Variants in GK observed in about 807,000 individuals in gnomAD.
GK encodes glycerol kinase, also known as ATP:glycerol 3-phosphotransferase.
Under a neutral mutation model 56.4 loss-of-function variants are expected in GK, and 9 were observed. The ratio of observed to expected loss-of-function variants is 0.16; its 90% CI spans 0.10 to 0.28. The LOEUF is 0.28. Ranked by LOEUF, GK falls within the 10% of genes least tolerant of loss-of-function variation. The pLI is 1.00. For missense variants in GK, 161 were observed against 431.4 expected (o/e 0.37, Z 5.55); for synonymous variants, 104 against 144.1 (o/e 0.72, Z 1.99).
In GK at chrX:30,693,006, CTTTTCTTTTTTT is replaced by C. The variant is rs1489276239; in HGVS notation, c.415-1389_415-1378del. On this transcript the variant is annotated intron_variant, in intron 5 of 20. Transcript: ENST00000427190. Reference sequence around the variant, plus strand: ...ATTTTTGTGTATGTATTTTCTTTTTCTTTTCTTTTTTTTTTTTTTTTTTTTTTTGAGACGGAG... The same window carrying C: ...ATTTTTGTGTATGTATTTTCTTTTTCTTTTTTTTTTTTTTTTGAGACGGAG... Among the ~76,000 whole-genome samples the C allele has an allele frequency of 3.5e-4, 28 of 80,678 alleles. No individual in the cohort carries two copies. In the East Asian group the frequency reaches 0.01, roughly 29 times the overall value. 70.1% of individuals were successfully genotyped at this position (80,678 alleles called of 115,157 possible).
At chrX:30,667,628 A>C (rs1420265806) in intron 2 of GK, among the ~76,000 whole-genome samples, 2 of 112,359 alleles carry the variant, frequency 1.8e-5, no homozygotes, top group African/African-American at 6.5e-5. Context: ...ATATATTTCC[A>C]TCTACTTAGA....
At chrX:30,691,047 C>A (rs775799534) in intron 4 of GK, 76 bp from the exon 5 acceptor site, 256 of 584,553 alleles carry the variant, frequency 4.4e-4, no homozygotes, top group Non-Finnish European at 6.8e-4. Flanking sequence ...AGTCTTTTAT[C>A]CTTGATAGTG....
Position 30,723,490 on chromosome X carries a change from A to G in GK, c.1502-611A>G, listed in dbSNP as rs146769728. ...CCTTTCCCCCCAAAAAGAAGAGAAA[A>G]CAGATCAAATGGGATTCCCCTTTCT... is the stretch of plus-strand genomic sequence containing the variant. On this transcript the variant is annotated intron_variant, in intron 18 of 20. Coordinates refer to ENST00000427190, the MANE Select transcript of GK (RefSeq NM_001205019.2). Among the ~76,000 whole-genome samples, 68 of 111,638 alleles carry G rather than the reference A, an allele frequency of 6.1e-4. 1 individual carries two copies. The highest frequency in any genetic ancestry group is 2.1e-3 in the African/African-American group (65 of 30,784).
chrX:30,666,174 C>T (rs971823438), intron 2 of GK, among the ~76,000 whole-genome samples: 16 of 111,575 alleles, frequency 1.4e-4, no homozygotes, highest in African/African-American at 5.2e-4. Context: ...AGCATATGCC[C>T]ATCGAAAGAC....
chrX:30,716,932 A>G (rs1050499810), intron 13 of GK, among the ~76,000 whole-genome samples: 2 of 112,295 alleles, frequency 1.8e-5, no homozygotes, highest in African/African-American at 3.2e-5. Context: ...GCCATTTTAT[A>G]TATGTAATGA....
intron 2 of GK, among the ~76,000 whole-genome samples, chrX:30,666,640 G>GA (rs1356427133): frequency 9.0e-6 from 1 of 111,702 alleles, no homozygotes; most frequent in Non-Finnish European, 1.9e-5. Context: ...AAGAAAGAGA[G>GA]AAAAAAATTG....
chrX:30,668,678 C>T (rs1933251811), intron 3 of GK, among the ~76,000 whole-genome samples: 1 of 111,763 alleles, frequency 8.9e-6, no homozygotes, highest in Non-Finnish European at 1.9e-5. Flanking sequence ...CGGGCTTCAT[C>T]AGCCATATTT....
At chrX:30,702,252 G>A (rs1336261359) in intron 11 of GK, among the ~76,000 whole-genome samples, 1 of 111,045 alleles carries the variant, frequency 9.0e-6, no homozygotes, top group Admixed American at 9.5e-5. Flanking sequence ...ATGTTGGTCA[G>A]GCTGGTCTCA....
At position 30,684,666 on chromosome X, in the gene GK, C is replaced by CAA. The variant is rs60771873; in HGVS notation, c.338-6430_338-6429dup. Among the ~76,000 whole-genome samples the CAA allele has an allele frequency of 1.0e-3, 34 of 32,399 alleles. 4 individuals carry two copies. The highest frequency in any genetic ancestry group is 3.0e-3 in the African/African-American group (23 of 7,568). 28.1% of individuals were successfully genotyped at this position (32,399 alleles called of 115,157 possible). A position where few individuals can be genotyped will look rare whatever the true frequency, so the allele number is the denominator to read the frequency against. The stretch of plus-strand genomic sequence containing the variant: ...GGGCAACAAGAGCAAAACTCCATCT[C>CAA]AAAAAAAAAAAAAAAAAAAAAAAAA... On this transcript the variant is annotated intron_variant, in intron 4 of 20. Transcript: ENST00000427190.
chrX:30,713,299 T>C (rs774714128), intron 13 of GK, among the ~76,000 whole-genome samples: 8 of 111,797 alleles, frequency 7.2e-5, no homozygotes, highest in Admixed American at 3.8e-4. Context: ...CTGACACATA[T>C]AGAAAAATAA....
At chrX:30,713,678 CT>C (rs1339341525) in intron 13 of GK, among the ~76,000 whole-genome samples, 2 of 112,008 alleles carry the variant, frequency 1.8e-5, no homozygotes, top group African/African-American at 6.5e-5. Context: ...TCATATTAAA[CT>C]GGTTAAATTT....
chrX:30,658,481 A>G (rs1383926375), intron 1 of GK, among the ~76,000 whole-genome samples: 1 of 111,387 alleles, frequency 9.0e-6, no homozygotes, highest in African/African-American at 3.3e-5. Context: ...ATGCCCAGCT[A>G]ATTTTTTTGT....
intron 3 of GK, among the ~76,000 whole-genome samples, chrX:30,673,674 A>G (rs2147156798): frequency 8.9e-6 from 1 of 111,918 alleles, no homozygotes; most frequent in South Asian, 3.7e-4. Flanking sequence ...AAGATAGAAG[A>G]GAAAAAAGGA....
intron 18 of GK, among the ~76,000 whole-genome samples, chrX:30,722,183 T>G (rs778532875): frequency 1.8e-5 from 2 of 112,781 alleles, no homozygotes; most frequent in South Asian, 7.2e-4. Context: ...TTTCTCAATT[T>G]TATTCATTCT....
intron 7 of GK, 105 bp from the exon 8 acceptor site, chrX:30,696,512 A>C: frequency 1.7e-6 from 1 of 597,989 alleles, no homozygotes; most frequent in Non-Finnish European, 2.8e-6. Flanking sequence ...GCTCAAAAAC[A>C]TCCATTTCTA....
At chrX:30,679,892 TC>T (rs1047042568) in intron 4 of GK, among the ~76,000 whole-genome samples, 2 of 111,822 alleles carry the variant, frequency 1.8e-5, no homozygotes, top group African/African-American at 6.5e-5. Context: ...TAGGGAACAA[TC>T]CATAAAACAA....
At chrX:30,697,540 C>T (rs1935305503) in intron 8 of GK, among the ~76,000 whole-genome samples, 192 bp from the exon 9 acceptor site, 1 of 111,281 alleles carries the variant, frequency 9.0e-6, no homozygotes, top group Admixed American at 9.6e-5. Context: ...ATAGTCACTG[C>T]TTATCTACAG....
chrX:30,656,098 G>A (rs1255870689), intron 1 of GK, among the ~76,000 whole-genome samples: 1 of 112,065 alleles, frequency 8.9e-6, no homozygotes, highest in African/African-American at 3.2e-5. Flanking sequence ...AAAAACTTAG[G>A]AATGGTTTAG....
At chrX:30,668,245 A>G (rs1933216118) in intron 3 of GK, 127 bp downstream of exon 3, 3 of 480,230 alleles carry the variant, frequency 6.2e-6, no homozygotes, top group Admixed American at 6.8e-5. Flanking sequence ...TGAGGATACA[A>G]CACTAAAGAG....
Sources: gnomAD v4.1 joint callset for allele counts (sites outside exome capture counted in the v4.1 genomes callset) on GRCh38, gnomAD v4.1.1 for gene constraint, MANE v1.5 for transcripts, NCBI Gene and HGNC (gene_info 2026-07-23, HGNC 2026-07-21) for gene names.